The following KMT2A variants were observed in gnomAD, a reference collection of about 807,000 sequenced individuals.
KMT2A encodes lysine methyltransferase 2A.
KMT2A carries 16 observed loss-of-function variants against 345.3 expected under a neutral mutation model. That is an observed-to-expected ratio of 0.05 (90% CI 0.03 to 0.07). KMT2A has a LOEUF of 0.07. Among genes scored for constraint, KMT2A ranks in the 10% least tolerant of loss-of-function variants. The pLI is 1.00. For synonymous variants in KMT2A, 1,599 were observed against 1,778.6 expected, an observed-to-expected ratio of 0.90 and a Z score of 2.54; for missense variants, 3,272 against 4,841.6, an observed-to-expected ratio of 0.68 and a Z score of 9.62.
intron 1 of KMT2A, among the ~76,000 whole-genome samples, chr11:118,464,217 G>A (rs1949798991): frequency 6.6e-6 from 1 of 152,214 alleles, no homozygotes; most frequent in African/African-American, 2.4e-5. Flanking sequence ...ATCTCAATTG[G>A]TTCAGCTTAC....
At chr11:118,499,770 ACT>A (rs1315652258) in intron 23 of KMT2A, 63 bp from the exon 24 acceptor site, 3 of 1,213,066 alleles carry the variant, frequency 2.5e-6, no homozygotes, top group Admixed American at 1.7e-5. Flanking sequence ...ACAGAGTGAG[ACT>A]CTCTCAAAAA....
chr11:118,456,555 G>T (rs1256063369), intron 1 of KMT2A, among the ~76,000 whole-genome samples: 1 of 151,856 alleles, frequency 6.6e-6, no homozygotes, highest in Non-Finnish European at 1.5e-5. Context: ...GGCCAGGCTG[G>T]TCTCAAACTC....
Position 118,472,376 on chromosome 11 carries a change from T to C in KMT2A, c.1217T>C (p.Ile406Thr). ...GRKVKTQVKN[I>T]RQFIMPVVSA... ...AAGGTGAAGACACAGGTCAAAAATA[T>C]TCGACAGTTCATCATGCCTGTTGTC... The change falls in exon 3 of 36, where the codon ATT (isoleucine) becomes ACT (threonine). Residue 406 changes from isoleucine (I) to threonine (T), a missense_variant. Ile to Thr is a moderately conservative substitution (Grantham distance 89). Transcript: ENST00000534358. 6 of 1,614,038 alleles carry C rather than the reference T, an allele frequency of 3.7e-6. No individual in the cohort carries two copies. Among genetic ancestry groups the C allele is most frequent in the Non-Finnish European group, 5.1e-6 (6 of 1,180,004 alleles).
At chr11:118,477,498 CTTTTTTT>C (rs11430367) in intron 4 of KMT2A, among the ~76,000 whole-genome samples, 649 of 56,896 alleles carry the variant, frequency 0.011, 1 homozygote, top group Middle Eastern at 0.059. Context: ...AAGTTATTGG[CTTTTTTT>C]TTTTTTTTTT....
chr11:118,461,648 C>T (rs1227129913), intron 1 of KMT2A, among the ~76,000 whole-genome samples: 1 of 152,154 alleles, frequency 6.6e-6, no homozygotes, highest in Non-Finnish European at 1.5e-5. Flanking sequence ...AGCCCAGTTC[C>T]CAGGAGTCCC....
chr11:118,462,910 A>T (rs1949773169), intron 1 of KMT2A, among the ~76,000 whole-genome samples: 1 of 151,904 alleles, frequency 6.6e-6, no homozygotes, highest in Non-Finnish European at 1.5e-5. Flanking sequence ...ACCAGAAGGA[A>T]AACGAATTAA....
In KMT2A at chr11:118,519,619, T is replaced by A. The variant is rs781888074; in HGVS notation, c.11148T>A (p.Gly3716=). The part of the protein sequence containing the change: ...NARLKQLSFA[G]VNGLRMLGIL... Reference sequence around the variant, plus strand: ...CCCTGGTGCTTCTGATTCTTCTAGGTGTTAACGGTTTGAGGATGCTGGGGA... The same window carrying A: ...CCCTGGTGCTTCTGATTCTTCTAGGAGTTAACGGTTTGAGGATGCTGGGGA... Residue 3716 remains glycine (G), a splice_region_variant and synonymous_variant, in exon 32 of 36, where the codon GGT becomes GGA. Coordinates refer to ENST00000534358, the MANE Select transcript of KMT2A (RefSeq NM_001197104.2). 1 of 1,611,382 alleles carries A rather than the reference T, an allele frequency of 6.2e-7. No individual in the cohort carries two copies. Among genetic ancestry groups the A allele is most frequent in the Non-Finnish European group, 8.5e-7 (1 of 1,177,704 alleles).
rs1248869891 is a variant in KMT2A, at chr11:118,493,490, T to C, written c.5178+260T>C. Among the ~76,000 whole-genome samples the C allele has an allele frequency of 6.6e-6, 1 of 152,172 alleles. No homozygotes were observed. Among genetic ancestry groups the C allele is most frequent in the Non-Finnish European group, 1.5e-5 (1 of 68,032 alleles). Reference sequence around the variant, plus strand: ...CAGTTTTCTGAAAATTATTTTTATATTAAGAGGAAGCACTAAGAAACTGTT... The same window carrying C: ...CAGTTTTCTGAAAATTATTTTTATACTAAGAGGAAGCACTAAGAAACTGTT... On this transcript the variant is annotated intron_variant, in intron 16 of 35. Coordinates refer to ENST00000534358, the MANE Select transcript of KMT2A (RefSeq NM_001197104.2). This position sits in a 1 kb window ranked among gnomAD's most constrained non-coding sequence, Gnocchi z 5.8.
intron 5 of KMT2A, among the ~76,000 whole-genome samples, chr11:118,479,656 T>C (rs9332790): frequency 2.0e-4 from 31 of 152,340 alleles, no homozygotes; most frequent in Admixed American, 2.0e-3. Context: ...GCATTAAATT[T>C]AAGAGTTAAA....
At chr11:118,509,906 A>G (rs1565310110) in intron 29 of KMT2A, 42 bp from the exon 30 acceptor site, 9 of 1,461,746 alleles carry the variant, frequency 6.2e-6, no homozygotes, top group Non-Finnish European at 8.5e-6. Flanking sequence ...GTGCTCAGTG[A>G]GCATTTGTTA....
In KMT2A at chr11:118,506,568, A is replaced by G. The variant is rs1555048537; in HGVS notation, c.10676A>G (p.Lys3559Arg). The G allele has an allele frequency of 3.7e-6, 6 of 1,614,160 alleles. No homozygotes were observed. The highest frequency in any genetic ancestry group is 3.3e-5 in the South Asian group (3 of 91,080). ...GACAAAGGGAATGGCAAGAAGCACAAAGTTTCCCATTTGCGGACCAGTTCT... is the reference window on the plus strand; with the variant it reads ...GACAAAGGGAATGGCAAGAAGCACAGAGTTTCCCATTTGCGGACCAGTTCT... Reference protein sequence around the residue: ...PLDKGNGKKHKVSHLRTSSSE... With the variant: ...PLDKGNGKKHRVSHLRTSSSE... The change falls in exon 27 of 36, where the codon AAA (lysine) becomes AGA (arginine). Residue 3559 changes from lysine (K) to arginine (R), a missense_variant. Physicochemically the swap from Lys to Arg is conservative, Grantham distance 26. Transcript: ENST00000534358.
rs782171684 is a variant in KMT2A, at chr11:118,503,994, C to T, written c.8102C>T (p.Ala2701Val). Residue 2701 changes from alanine to valine, a missense_variant, in exon 27 of 36, where the codon GCA (alanine) becomes GTA (valine). Around this residue, in one of 27 missense-constraint regions of KMT2A, gnomAD observed 47 missense variants for 53.6 expected, o/e 0.88. Coordinates refer to ENST00000534358, the MANE Select transcript of KMT2A (RefSeq NM_001197104.2). The surrounding 1 kb of genome is among the most constrained non-coding windows in gnomAD (Gnocchi z 5.3). The part of the protein sequence containing the change: ...VISSGGEERL[A>V]SHNLFREEEQ... ...TCTTCAGGTGGAGAGGAACGACTGG[C>T]ATCCCATAATTTATTTCGGGAGGAG... is the stretch of plus-strand genomic sequence containing the variant. 8.7e-6 allele frequency: 14 copies of T among 1,614,170 alleles called. No homozygotes were observed. The highest frequency in any genetic ancestry group is 1.1e-5 in the Non-Finnish European group (13 of 1,180,034).
chr11:118,457,452 T>C (rs1949667103), intron 1 of KMT2A, among the ~76,000 whole-genome samples: 1 of 151,474 alleles, frequency 6.6e-6, no homozygotes, highest in East Asian at 1.9e-4. Context: ...TTGTATTTTT[T>C]AGTAGAGACA....
In KMT2A at chr11:118,491,404, G is replaced by T; in HGVS notation, c.4819+86G>T. On this transcript the variant is annotated intron_variant, in intron 14 of 35. Coordinates refer to ENST00000534358, the MANE Select transcript of KMT2A (RefSeq NM_001197104.2). The surrounding 1 kb of genome is among the most constrained non-coding windows in gnomAD (Gnocchi z 4.2). ...AGAGCACTTTAAACCTAAAATTATG[G>T]TTGTGTTGTTATTTGAAATCTCTAA... The T allele has an allele frequency of 1.6e-6, 2 of 1,283,782 alleles. No individual in the cohort carries two copies. The highest frequency in any genetic ancestry group is 1.5e-5 in the South Asian group (1 of 66,558). 79.5% of individuals were successfully genotyped at this position (1,283,782 alleles called of 1,614,324 possible). A position where few individuals can be genotyped will look rare whatever the true frequency, so the allele number is the denominator to read the frequency against.
chr11:118,436,911 TG>T lies in KMT2A; in HGVS notation c.403del (p.Glu135ArgfsTer15). On this transcript the variant is annotated frameshift_variant, in exon 1 of 36. Coordinates refer to ENST00000534358, the MANE Select transcript of KMT2A (RefSeq NM_001197104.2). LOFTEE classifies it high-confidence loss of function. The surrounding 1 kb of genome is among the most constrained non-coding windows in gnomAD (Gnocchi z 6.9). ...ACCTGCGCCGGTTCCGGGCCGTGTT[TG>T]GGGAGAGCGGCGGGGGAGGCGGCAG... is the stretch of plus-strand genomic sequence containing the variant. ...TNLRRFRAVF[G>X]ESGGGGGSGE... 1 of 1,569,584 alleles carries T rather than the reference TG, an allele frequency of 6.4e-7. No homozygotes were observed. The highest frequency in any genetic ancestry group is 8.7e-7 in the Non-Finnish European group (1 of 1,155,990).
chr11:118,438,328 C>T (rs910521689), intron 1 of KMT2A, among the ~76,000 whole-genome samples: 19 of 151,994 alleles, frequency 1.3e-4, no homozygotes, highest in Non-Finnish European at 2.2e-4. Context: ...ATTCGGCCCC[C>T]TTCAGCAAAA....
chr11:118,439,489 G>A (rs1216107296), intron 1 of KMT2A, among the ~76,000 whole-genome samples: 2 of 152,156 alleles, frequency 1.3e-5, no homozygotes, highest in Non-Finnish European at 2.9e-5. Flanking sequence ...CTGGATTCAG[G>A]GACCTAATGT....
At chr11:118,471,442 AAG>A (rs1327177121) in intron 2 of KMT2A, among the ~76,000 whole-genome samples, 2 of 152,224 alleles carry the variant, frequency 1.3e-5, no homozygotes, top group African/African-American at 2.4e-5. Context: ...TGTATCAAAA[AAG>A]TAATTAAATG....
intron 29 of KMT2A, 92 bp downstream of exon 29, chr11:118,509,292 T>TAA (rs58992225): frequency 4.1e-4 from 361 of 883,764 alleles, no homozygotes; most frequent in South Asian, 8.8e-4. Context: ...TTTCTACATT[T>TAA]AAAAAAAAAA....
Sources: gnomAD v4.1 joint callset for allele counts (sites outside exome capture counted in the v4.1 genomes callset) on GRCh38, gnomAD v4.1.1 for gene constraint, gnomAD v4.1.1 regional missense constraint, Gnocchi (gnomAD v3.1) non-coding constraint, MANE v1.5 for transcripts, NCBI Gene and HGNC (gene_info 2026-07-23, HGNC 2026-07-21) for gene names.